The following IL6R variants were observed in gnomAD, a reference collection of about 807,000 sequenced individuals.
IL6R encodes interleukin-6 receptor subunit alpha.
A neutral mutation model predicts 48.3 loss-of-function variants in IL6R; 38 were observed. The ratio of observed to expected loss-of-function variants is 0.79; its 90% confidence interval spans 0.61 to 1.03. The LOEUF (loss-of-function observed/expected upper bound fraction) is 1.03, where lower values mean the gene tolerates loss of function less well. IL6R is among the 50% of genes least tolerant of loss of function. The pLI is 0.00. For synonymous variants in IL6R, 264 were observed against 256.2 expected, an observed-to-expected ratio of 1.03 and a Z score of -0.29; for missense variants, 534 against 618.3, an observed-to-expected ratio of 0.86 and a Z score of 1.45.
intron 1 of IL6R, among the ~76,000 whole-genome samples, chr1:154,419,633 A>C (rs891797780): frequency 3.9e-5 from 6 of 151,966 alleles, no homozygotes; most frequent in Non-Finnish European, 7.4e-5. Context: ...GGGTGGTGAG[A>C]TGGGATTAGC....
At chr1:154,426,161 G>GACACACACACAC (rs372688307) in intron 1 of IL6R, among the ~76,000 whole-genome samples, 2,309 of 118,628 alleles carry the variant, frequency 0.019, 91 homozygotes, top group African/African-American at 0.061. Flanking sequence ...CCCTGTATCA[G>GACACACACACAC]ACACACACAC....
At chr1:154,447,476 T>TATACACACACACACACAC (rs1424013885) in intron 6 of IL6R, among the ~76,000 whole-genome samples, 4 of 68,830 alleles carry the variant, frequency 5.8e-5, no homozygotes, top group Admixed American at 2.2e-4. Flanking sequence ...TATATATATA[T>TATACACACACACACACAC]ACACACACAC....
chr1:154,455,532 C>T (rs1690825779), intron 9 of IL6R, among the ~76,000 whole-genome samples: 1 of 148,984 alleles, frequency 6.7e-6, no homozygotes, highest in African/African-American at 2.5e-5. Flanking sequence ...CAGCTCACTG[C>T]AACCCCACCT....
At chr1:154,411,842 TG>T (rs1688036944) in intron 1 of IL6R, among the ~76,000 whole-genome samples, 1 of 151,992 alleles carries the variant, frequency 6.6e-6, no homozygotes, top group African/African-American at 2.4e-5. Context: ...CACTCCAACC[TG>T]GGTGACAAAG....
At chr1:154,447,199 G>C (rs1458942667) in intron 6 of IL6R, among the ~76,000 whole-genome samples, 2 of 151,500 alleles carry the variant, frequency 1.3e-5, no homozygotes, top group Non-Finnish European at 2.9e-5. Context: ...AGCACTTTGG[G>C]AGGCCAAAGC....
intron 6 of IL6R, among the ~76,000 whole-genome samples, chr1:154,443,741 T>C (rs190483902): frequency 6.6e-6 from 1 of 152,280 alleles, no homozygotes; most frequent in East Asian, 1.9e-4. Context: ...ATGACAAGGG[T>C]GCAATAAATG....
At chr1:154,441,250 G>A (rs1162684644) in intron 6 of IL6R, among the ~76,000 whole-genome samples, 1 of 152,158 alleles carries the variant, frequency 6.6e-6, no homozygotes, top group Admixed American at 6.5e-5. Flanking sequence ...CCCTCTTTAA[G>A]TTGCTGACAC....
intron 1 of IL6R, among the ~76,000 whole-genome samples, chr1:154,412,188 C>T (rs1266257580): frequency 6.6e-6 from 1 of 151,720 alleles, no homozygotes; most frequent in Non-Finnish European, 1.5e-5. Context: ...ACCTTGTGAT[C>T]TGCCCACCTC....
chr1:154,405,357 G>A lies in IL6R; in HGVS notation c.-273G>A. On this transcript the variant is annotated 5_prime_UTR_variant, in exon 1 of 10. Coordinates refer to ENST00000368485, the MANE Select transcript of IL6R (RefSeq NM_000565.4). The surrounding 1 kb of genome is among the most constrained non-coding windows in gnomAD (Gnocchi z 5.2). ...GCGAGTTCCTCAAATGTTTTCCTGC[G>A]TTGCCAGGACCGTCCGCCGCTCTGA... is the stretch of plus-strand genomic sequence containing the variant. The A allele has an allele frequency of 2.1e-6, 1 of 476,588 alleles. No homozygotes were observed. Among genetic ancestry groups the A allele is most frequent in the Non-Finnish European group, 3.7e-6 (1 of 270,030 alleles). 29.5% of individuals were successfully genotyped at this position (476,588 alleles called of 1,614,324 possible).
intron 6 of IL6R, among the ~76,000 whole-genome samples, chr1:154,444,773 C>T (rs1358920616): frequency 6.6e-6 from 1 of 152,084 alleles, no homozygotes; most frequent in Non-Finnish European, 1.5e-5. Flanking sequence ...CATAGCAGTG[C>T]ACACCTGTAG....
At chr1:154,417,193 C>T (rs1280164735) in intron 1 of IL6R, among the ~76,000 whole-genome samples, 1 of 152,194 alleles carries the variant, frequency 6.6e-6, no homozygotes, top group African/African-American at 2.4e-5. Flanking sequence ...AGACAAGACC[C>T]CTAGGCCATG....
chr1:154,414,561 G>C, intron 1 of IL6R: 1 of 745,752 alleles, frequency 1.3e-6, no homozygotes, highest in South Asian at 1.4e-5. Context: ...TGGTGGCCTC[G>C]GTAAAAGGGA....
At chr1:154,443,727 G>A (rs1690055430) in intron 6 of IL6R, among the ~76,000 whole-genome samples, 1 of 152,214 alleles carries the variant, frequency 6.6e-6, no homozygotes, top group Non-Finnish European at 1.5e-5. Context: ...ACAGAGCCTG[G>A]CACATGACAA....
intron 2 of IL6R, 136 bp from the exon 3 acceptor site, chr1:154,430,347 G>A: frequency 1.9e-6 from 2 of 1,057,244 alleles, no homozygotes; most frequent in Admixed American, 5.4e-5. Context: ...GTGTGGCCAG[G>A]GTCCTGACTA....
At chr1:154,435,912 T>A in intron 5 of IL6R, 57 bp from the exon 6 acceptor site, 1 of 1,480,180 alleles carries the variant, frequency 6.8e-7, no homozygotes, top group East Asian at 2.5e-5. Context: ...ACTGGGGTGC[T>A]ACCTGCCCAG....
intron 1 of IL6R, among the ~76,000 whole-genome samples, chr1:154,410,788 C>G (rs1687977274): frequency 6.6e-6 from 1 of 152,188 alleles, no homozygotes. Context: ...TTCTCCCCAG[C>G]ACCTGTTCTC....
chr1:154,456,333 G>A (rs1374753227), intron 9 of IL6R, among the ~76,000 whole-genome samples: 2 of 151,738 alleles, frequency 1.3e-5, no homozygotes, highest in Admixed American at 1.3e-4. Context: ...AGCCTCCTGA[G>A]TAGCTGGGAT....
chr1:154,437,698 C>T (rs1180952690), intron 6 of IL6R, among the ~76,000 whole-genome samples: 1 of 151,884 alleles, frequency 6.6e-6, no homozygotes, highest in African/African-American at 2.4e-5. Flanking sequence ...TGGTGTGAGC[C>T]ACTGCACCTG....
chr1:154,406,922 T>C (rs902737596), intron 1 of IL6R, among the ~76,000 whole-genome samples: 1 of 152,198 alleles, frequency 6.6e-6, no homozygotes, highest in African/African-American at 2.4e-5. Flanking sequence ...TGTATCTACA[T>C]ATAACTTTGT....
Sources: allele counts gnomAD v4.1 joint callset (sites outside exome capture counted in the v4.1 genomes callset), GRCh38; gene constraint gnomAD v4.1.1; non-coding constraint Gnocchi (gnomAD v3.1); transcripts MANE v1.5; gene names NCBI Gene and HGNC (gene_info 2026-07-23, HGNC 2026-07-21).